Variants in KIF13B observed in about 807,000 individuals in gnomAD.
KIF13B encodes the protein kinesin-like protein KIF13B.
KIF13B carries 127 observed loss-of-function variants against 222.0 expected under a neutral mutation model. The ratio of observed to expected loss-of-function variants is 0.57; its 90% confidence interval spans 0.50 to 0.66. The LOEUF (loss-of-function observed/expected upper bound fraction) is 0.66. KIF13B is among the 30% of genes least tolerant of loss of function. The pLI, the probability that KIF13B is intolerant of heterozygous loss-of-function variation, is 0.00. For missense variants in KIF13B, 2,173 were observed against 2,379.0 expected, an observed-to-expected ratio of 0.91 and a Z score of 1.80; for synonymous variants, 976 against 919.0, an observed-to-expected ratio of 1.06 and a Z score of -1.12.
chr8:29,225,463 A>G (rs372284764), intron 2 of KIF13B, among the ~76,000 whole-genome samples: 2 of 152,286 alleles, frequency 1.3e-5, no homozygotes, highest in African/African-American at 4.8e-5. Flanking sequence ...TGGAGATAGG[A>G]GATCAGGTCA....
At chr8:29,155,064 C>T (rs1294710449) in intron 14 of KIF13B, among the ~76,000 whole-genome samples, 3 of 152,084 alleles carry the variant, frequency 2.0e-5, no homozygotes, top group East Asian at 1.9e-4. Context: ...AAGTGACAAA[C>T]GTGCCATTCA....
chr8:29,111,919 T>A (rs1042874047), intron 32 of KIF13B, among the ~76,000 whole-genome samples: 1 of 152,206 alleles, frequency 6.6e-6, no homozygotes, highest in South Asian at 2.1e-4. Context: ...CACAGAGCAA[T>A]CTATTACAGG....
chr8:29,078,203 G>A (rs1483061182), intron 37 of KIF13B, among the ~76,000 whole-genome samples: 1 of 150,658 alleles, frequency 6.6e-6, no homozygotes, highest in South Asian at 2.1e-4. Context: ...GCTGAGGCAG[G>A]AGAATTGCTT....
chr8:29,163,103 TA>T (rs1056851451), intron 12 of KIF13B, among the ~76,000 whole-genome samples: 1 of 152,098 alleles, frequency 6.6e-6, no homozygotes, highest in African/African-American at 2.4e-5. Context: ...AATGGGAACA[TA>T]AAAGATAAAA....
chr8:29,157,751 A>G (rs1397292667), intron 13 of KIF13B, among the ~76,000 whole-genome samples: 1 of 151,122 alleles, frequency 6.6e-6, no homozygotes, highest in Non-Finnish European at 1.5e-5. Flanking sequence ...AGATTACTTG[A>G]GCCCAGGAGA....
chr8:29,197,713 A>G (rs1342548623), intron 2 of KIF13B, among the ~76,000 whole-genome samples: 2 of 152,216 alleles, frequency 1.3e-5, no homozygotes, highest in Non-Finnish European at 2.9e-5. Context: ...CACTAGAGAT[A>G]GAAACTAAAG....
intron 10 of KIF13B, among the ~76,000 whole-genome samples, chr8:29,173,363 T>C (rs142682415): frequency 2.2e-4 from 34 of 151,966 alleles, no homozygotes; most frequent in African/African-American, 7.7e-4. Context: ...GACTCACAAC[T>C]GTAATCCTGG....
intron 37 of KIF13B, among the ~76,000 whole-genome samples, chr8:29,091,687 T>C (rs1459734204): frequency 1.3e-5 from 2 of 152,130 alleles, no homozygotes; most frequent in African/African-American, 2.4e-5. Context: ...GGTGGATCTC[T>C]GGGGAAAAAA....
chr8:29,163,525 C>G (rs752249376), intron 12 of KIF13B, among the ~76,000 whole-genome samples: 1 of 152,236 alleles, frequency 6.6e-6, no homozygotes, highest in South Asian at 2.1e-4. Context: ...ACCATGTCAA[C>G]TGACATGTCT....
At chr8:29,257,334 T>TG (rs1431001599) in intron 1 of KIF13B, among the ~76,000 whole-genome samples, 5 of 134,540 alleles carry the variant, frequency 3.7e-5, no homozygotes, top group Non-Finnish European at 8.1e-5. Flanking sequence ...CTTGGTCGAG[T>TG]TTTTGTTTTT....
In KIF13B at chr8:29,075,334, G is replaced by A. The variant is rs201273629; in HGVS notation, c.4468C>T (p.Arg1490Cys). 1.2e-4 allele frequency: 184 copies of A among 1,559,020 alleles called. No homozygotes were observed. Among genetic ancestry groups the A allele is most frequent in the African/African-American group, 8.8e-4 (65 of 73,692 alleles). The change falls in exon 38 of 40, where the codon CGC (arginine) becomes TGC (cysteine). Residue 1490 changes from arginine (R) to cysteine (C), a missense_variant. Arg to Cys is a radical substitution (Grantham distance 180). Transcript: ENST00000524189. The stretch of plus-strand genomic sequence containing the variant: ...GGGCTGGCTGACTGCACCATGATGC[G>A]GGGCACGGGCTGAGGAGGCAAGTGT... ...PSPLAHQPVP[R>C]IMVQSASPDI...
At chr8:29,256,320 T>C (rs1816477227) in intron 1 of KIF13B, among the ~76,000 whole-genome samples, 1 of 152,222 alleles carries the variant, frequency 6.6e-6, no homozygotes, top group Non-Finnish European at 1.5e-5. Flanking sequence ...AGTTCAGTGA[T>C]CCTCAGATGC....
chr8:29,095,167 T>C (rs774435110), intron 36 of KIF13B, among the ~76,000 whole-genome samples: 2 of 152,118 alleles, frequency 1.3e-5, no homozygotes, highest in Non-Finnish European at 2.9e-5. Flanking sequence ...GCAAGTTAAA[T>C]ACTAAGAAAA....
intron 2 of KIF13B, among the ~76,000 whole-genome samples, chr8:29,242,203 G>T (rs1356909678): frequency 6.6e-6 from 1 of 152,072 alleles, no homozygotes; most frequent in Non-Finnish European, 1.5e-5. Context: ...TTTGTATCGT[G>T]CCACCACACT....
At chr8:29,146,009 G>C in intron 18 of KIF13B, 1 of 404,322 alleles carries the variant, frequency 2.5e-6, no homozygotes, top group Non-Finnish European at 4.4e-6. Context: ...TAAGCAAAAT[G>C]AACACCTAAC....
intron 26 of KIF13B, among the ~76,000 whole-genome samples, chr8:29,126,105 A>T (rs1180274458): frequency 6.6e-6 from 1 of 152,042 alleles, no homozygotes. Flanking sequence ...AAACAAAAAC[A>T]AACAAAAAAA....
intron 37 of KIF13B, among the ~76,000 whole-genome samples, chr8:29,087,842 A>G (rs763341557): frequency 6.6e-6 from 1 of 152,110 alleles, no homozygotes; most frequent in Non-Finnish European, 1.5e-5. Flanking sequence ...CAAAAATTCT[A>G]AGAGAGCTAT....
intron 14 of KIF13B, among the ~76,000 whole-genome samples, chr8:29,150,995 C>T (rs113445289): frequency 2.6e-5 from 4 of 152,276 alleles, no homozygotes; most frequent in South Asian, 2.1e-4. Flanking sequence ...CAAGACAGGA[C>T]GAAAAGCCAG....
intron 35 of KIF13B, 43 bp downstream of exon 35, chr8:29,108,096 A>G (rs1355447763): frequency 9.2e-6 from 14 of 1,520,060 alleles, no homozygotes; most frequent in Non-Finnish European, 1.2e-5. Context: ...GCTGAATGGG[A>G]AATGGGACTT....
Sources: gnomAD v4.1 joint callset for allele counts (sites outside exome capture counted in the v4.1 genomes callset) on GRCh38, gnomAD v4.1.1 for gene constraint, MANE v1.5 for transcripts, NCBI Gene and HGNC (gene_info 2026-07-23, HGNC 2026-07-21) for gene names.